Variants in CHL1 observed in about 807,000 individuals in gnomAD.
CHL1 encodes neural cell adhesion molecule L1-like protein.
A neutral mutation model predicts 141.9 loss-of-function variants in CHL1; 96 were observed. That is an observed-to-expected ratio of 0.68 (90% CI 0.57 to 0.80). The LOEUF (loss-of-function observed/expected upper bound fraction) is 0.80. Ranked by LOEUF, CHL1 falls within the 30% of genes least tolerant of loss-of-function variation. CHL1 has a pLI of 0.00. For missense variants in CHL1, 1,820 were observed against 1,457.2 expected (o/e 1.25, Z -4.05); for synonymous variants, 613 against 502.2 (o/e 1.22, Z -2.95).
chr3:395,024 C>T (rs1025734807), intron 24 of CHL1, 152 bp downstream of exon 24: 11 of 648,998 alleles, frequency 1.7e-5, no homozygotes, highest in Admixed American at 7.1e-5. Context: ...TTTCCACTGA[C>T]ATAGAGGCAG....
chr3:346,764 T>A (rs560193471), intron 9 of CHL1, among the ~76,000 whole-genome samples: 3 of 152,300 alleles, frequency 2.0e-5, no homozygotes, highest in Admixed American at 2.0e-4. Context: ...GATACATTTT[T>A]AAAAAGTTTT....
At chr3:402,023 A>C (rs184389598) in intron 27 of CHL1, among the ~76,000 whole-genome samples, 62 of 152,324 alleles carry the variant, frequency 4.1e-4, no homozygotes, top group African/African-American at 1.3e-3. Flanking sequence ...GGTTCAATCC[A>C]ATTTGCATCC....
At chr3:256,683 G>A (rs1489491926) in intron 2 of CHL1, among the ~76,000 whole-genome samples, 1 of 152,206 alleles carries the variant, frequency 6.6e-6, no homozygotes, top group African/African-American at 2.4e-5. Flanking sequence ...CTGGCTTAGA[G>A]AATTGTATTA....
chr3:403,812 T>C (rs1316889448), intron 27 of CHL1, among the ~76,000 whole-genome samples: 1 of 152,186 alleles, frequency 6.6e-6, no homozygotes, highest in Admixed American at 6.5e-5. Flanking sequence ...TTCCACATTA[T>C]CCCAGGAGAC....
At position 391,036 on chromosome 3, in the gene CHL1, A is replaced by G. The variant is rs771335473; in HGVS notation, c.2668A>G (p.Arg890Gly). The G allele has an allele frequency of 6.2e-7, 1 of 1,613,998 alleles. No homozygotes were observed. The highest frequency in any genetic ancestry group is 8.5e-7 in the Non-Finnish European group (1 of 1,179,824). Residue 890 changes from arginine (R) to glycine (G), a missense_variant, in exon 22 of 28, where the codon AGA becomes GGA. By Grantham distance (125) the Arg-to-Gly change is moderately radical. Coordinates refer to ENST00000256509, the MANE Select transcript of CHL1 (RefSeq NM_006614.4). ...GAACATTCTAAGATTTTCAGGACAA[A>G]GAAACTCTGGAATGGTTCCTTCCTT... ...EVNILRFSGQ[R>G]NSGMVPSLDA...
At chr3:388,782 G>A (rs910155549) in intron 19 of CHL1, among the ~76,000 whole-genome samples, 16 of 152,130 alleles carry the variant, frequency 1.1e-4, no homozygotes, top group Non-Finnish European at 1.6e-4. Context: ...GAAAAATGGA[G>A]AAGGATAGAA....
At chr3:224,475 G>A (rs1229945890) in intron 1 of CHL1, among the ~76,000 whole-genome samples, 1 of 152,124 alleles carries the variant, frequency 6.6e-6, no homozygotes, top group African/African-American at 2.4e-5. Flanking sequence ...CTGTCCTCGT[G>A]ATATAGAGTG....
chr3:318,237 A>G (rs56270007), intron 2 of CHL1, among the ~76,000 whole-genome samples: 29,628 of 151,818 alleles, frequency 0.2, 4,278 homozygotes, highest in African/African-American at 0.41. Context: ...ATCGGTACAT[A>G]TATACAAAAG....
At chr3:326,127 C>G in intron 4 of CHL1, 63 bp downstream of exon 4, 1 of 941,966 alleles carries the variant, frequency 1.1e-6, no homozygotes, top group South Asian at 1.5e-5. Context: ...CTGCTCTTTA[C>G]TCTTACCATC....
At chr3:243,006 ATGATGGATTT>A (rs1692812485) in intron 1 of CHL1, among the ~76,000 whole-genome samples, 1 of 152,168 alleles carries the variant, frequency 6.6e-6, no homozygotes, top group Non-Finnish European at 1.5e-5. Context: ...GCTTCATGAC[ATGATGGATTT>A]TGAAGAGATG....
chr3:340,145 T>C (rs531027137), intron 5 of CHL1, among the ~76,000 whole-genome samples: 1 of 152,304 alleles, frequency 6.6e-6, no homozygotes, highest in East Asian at 1.9e-4. Context: ...TTGACTCCAG[T>C]GTGGGGAGGA....
chr3:205,359 C>T (rs1456220185), intron 1 of CHL1, among the ~76,000 whole-genome samples: 1 of 152,104 alleles, frequency 6.6e-6, no homozygotes, highest in African/African-American at 2.4e-5. Context: ...GGTGATTCTC[C>T]CACCTGCCCC....
At chr3:354,602 A>G (rs1001645292) in intron 10 of CHL1, 38 bp from the exon 11 acceptor site, 1 of 1,572,254 alleles carries the variant, frequency 6.4e-7, no homozygotes, top group Non-Finnish European at 8.6e-7. Context: ...TTTTTGACAT[A>G]GATAACATCT....
At chr3:271,665 CAGAGA>C (rs903932476) in intron 2 of CHL1, among the ~76,000 whole-genome samples, 1 of 152,070 alleles carries the variant, frequency 6.6e-6, no homozygotes, top group Non-Finnish European at 1.5e-5. Flanking sequence ...GCGCGCAGAG[CAGAGA>C]AGGCTGATAT....
At chr3:259,394 CAT>C (rs1255782577) in intron 2 of CHL1, among the ~76,000 whole-genome samples, 1 of 151,872 alleles carries the variant, frequency 6.6e-6, no homozygotes, top group Non-Finnish European at 1.5e-5. Flanking sequence ...AACAGTTAAA[CAT>C]AAAGAGAAAC....
At chr3:378,905 A>G (rs1233855577) in intron 16 of CHL1, among the ~76,000 whole-genome samples, 1 of 152,020 alleles carries the variant, frequency 6.6e-6, no homozygotes, top group Non-Finnish European at 1.5e-5. Context: ...TTTTGGAACT[A>G]TCGTAAATTT....
At chr3:286,575 C>T (rs540894718) in intron 2 of CHL1, among the ~76,000 whole-genome samples, 1 of 146,598 alleles carries the variant, frequency 6.8e-6, no homozygotes, top group African/African-American at 2.5e-5. Flanking sequence ...TGCGCCATTG[C>T]ACTCCAGCCT....
At chr3:228,019 C>T (rs1163316784) in intron 1 of CHL1, among the ~76,000 whole-genome samples, 1 of 152,160 alleles carries the variant, frequency 6.6e-6, no homozygotes, top group Non-Finnish European at 1.5e-5. Context: ...CTATCCATCA[C>T]CCATTCATCT....
chr3:228,835 ATGG>A (rs1312311525), intron 1 of CHL1, among the ~76,000 whole-genome samples: 1 of 152,158 alleles, frequency 6.6e-6, no homozygotes, highest in East Asian at 1.9e-4. Flanking sequence ...CTGGTTCCTA[ATGG>A]TTGATTTAAT....
Sources: allele counts gnomAD v4.1 joint callset (sites outside exome capture counted in the v4.1 genomes callset), GRCh38; gene constraint gnomAD v4.1.1; transcripts MANE v1.5; gene names NCBI Gene and HGNC (gene_info 2026-07-23, HGNC 2026-07-21).